Variants in DTWD1 observed in about 807,000 individuals in gnomAD.
DTWD1 encodes tRNA-uridine aminocarboxypropyltransferase 1.
A neutral mutation model predicts 30.2 loss-of-function variants in DTWD1; 27 were observed. That is an observed-to-expected ratio of 0.90 (90% confidence interval 0.66 to 1.23). DTWD1 has a LOEUF of 1.23. Among genes scored for constraint, DTWD1 ranks in the 50% most tolerant of loss-of-function variants. The pLI is 0.00. For missense variants in DTWD1, 342 were observed against 348.8 expected, an observed-to-expected ratio of 0.98 and a Z score of 0.15; for synonymous variants, 99 against 113.1, an observed-to-expected ratio of 0.88 and a Z score of 0.79.
At chr15:49,627,165 A>C (rs1662937176) in intron 2 of DTWD1, among the ~76,000 whole-genome samples, 2 of 152,154 alleles carry the variant, frequency 1.3e-5, no homozygotes, top group Admixed American at 6.5e-5. Context: ...TCTAATATAC[A>C]CCATTTAATA....
At chr15:49,643,305 T>C (rs767565785) in intron 4 of DTWD1, 26 bp from the exon 5 acceptor site, 28 of 1,315,066 alleles carry the variant, frequency 2.1e-5, no homozygotes, top group East Asian at 8.5e-5. Flanking sequence ...TTTCTTTCTT[T>C]CTTTTTTTTT....
At chr15:49,639,502 C>T (rs1028263061) in intron 4 of DTWD1, among the ~76,000 whole-genome samples, 7 of 152,084 alleles carry the variant, frequency 4.6e-5, no homozygotes, top group Non-Finnish European at 1.0e-4. Context: ...TTCAAGGATG[C>T]GGTGAGCTAT....
chr15:49,643,629 A>G lies in DTWD1; in HGVS notation c.*51A>G, dbSNP rs1295805427. 1.3e-6 allele frequency: 2 copies of G among 1,504,072 alleles called. No homozygotes were observed. Among genetic ancestry groups the G allele is most frequent in the Non-Finnish European group, 1.8e-6 (2 of 1,122,474 alleles). The allele number at this position is 1,504,072 out of a possible 1,614,324, so 93.2% of individuals were successfully genotyped here. A position where few individuals can be genotyped will look rare whatever the true frequency, so the allele number is the denominator to read the frequency against. On this transcript the variant is annotated 3_prime_UTR_variant, in exon 5 of 5. Coordinates refer to ENST00000403028, the MANE Select transcript of DTWD1 (RefSeq NM_001144955.2). ...TTATTTTGCTAACATTAATAAACTT[A>G]TATTTGTGCTTTGTTTTTTCTTAAG...
rs1187513254 is a variant in DTWD1, at chr15:49,655,302, T to G, written c.*11724T>G. On this transcript the variant is annotated 3_prime_UTR_variant, in exon 5 of 5. Transcript: ENST00000403028. Reference sequence around the variant, plus strand: ...ATGGTTGATTTAGGTAATTAAGTTTTGGGGTGGTTTATTACATAGCAATTG... The same window carrying G: ...ATGGTTGATTTAGGTAATTAAGTTTGGGGGTGGTTTATTACATAGCAATTG... The G allele has an allele frequency of 6.6e-6, 1 of 152,058 alleles. No individual in the cohort carries two copies. Among genetic ancestry groups the G allele is most frequent in the East Asian group, 1.9e-4 (1 of 5,172 alleles). The allele number at this position is 152,058 out of a possible 1,614,324, so 9.4% of individuals were successfully genotyped here.
At chr15:49,622,744 G>A (rs556704187) in intron 1 of DTWD1, among the ~76,000 whole-genome samples, 2 of 152,308 alleles carry the variant, frequency 1.3e-5, no homozygotes, top group Admixed American at 6.5e-5. Flanking sequence ...CCCTGATCAT[G>A]TAGTTTCAGA....
intron 2 of DTWD1, among the ~76,000 whole-genome samples, chr15:49,628,646 T>G (rs2153351784): frequency 6.6e-6 from 1 of 152,242 alleles, no homozygotes; most frequent in Middle Eastern, 3.4e-3. Flanking sequence ...GGCAGAAGGA[T>G]TTGTGGTAAG....
intron 3 of DTWD1, 32 bp from the exon 4 acceptor site, chr15:49,634,504 G>A (rs747293128): frequency 1.3e-4 from 208 of 1,566,720 alleles, no homozygotes; most frequent in Non-Finnish European, 8.8e-5. Context: ...GATCATAGTA[G>A]CACACTGCTA....
chr15:49,630,278 T>C (rs1362027701), intron 2 of DTWD1, among the ~76,000 whole-genome samples: 1 of 152,222 alleles, frequency 6.6e-6, no homozygotes, highest in Non-Finnish European at 1.5e-5. Flanking sequence ...ATTTAACATA[T>C]GTTAAAACTT....
chr15:49,623,855 A>G (rs1273217932), intron 1 of DTWD1: 1 of 152,188 alleles, frequency 6.6e-6, no homozygotes, highest in Non-Finnish European at 1.5e-5. Context: ...AGGCAGGAAC[A>G]AGGGATTGGA....
intron 3 of DTWD1, among the ~76,000 whole-genome samples, chr15:49,633,930 A>C (rs895093642): frequency 3.3e-5 from 5 of 152,154 alleles, no homozygotes; most frequent in Admixed American, 6.5e-5. Flanking sequence ...TTTTCATTTT[A>C]ATTTTTCACT....
Position 49,648,411 on chromosome 15 carries a change from C to T in DTWD1, c.*4833C>T, listed in dbSNP as rs2079133584. 6.6e-6 allele frequency: 1 copy of T among 152,268 alleles called. No individual in the cohort carries two copies. The highest frequency in any genetic ancestry group is 2.1e-4 in the South Asian group (1 of 4,830). 9.4% of individuals were successfully genotyped at this position (152,268 alleles called of 1,614,324 possible). A position where few individuals can be genotyped will look rare whatever the true frequency, so the allele number is the denominator to read the frequency against. On this transcript the variant is annotated 3_prime_UTR_variant, in exon 5 of 5. Transcript: ENST00000403028. Reference sequence around the variant, plus strand: ...CCACCTCCCAAGTTCAAGCAATTATCATGCCTTAGCCCCCCGAGTAGCTGG... The same window carrying T: ...CCACCTCCCAAGTTCAAGCAATTATTATGCCTTAGCCCCCCGAGTAGCTGG...
intron 2 of DTWD1, among the ~76,000 whole-genome samples, chr15:49,629,104 G>C (rs886930329): frequency 6.6e-6 from 1 of 151,980 alleles, no homozygotes; most frequent in Non-Finnish European, 1.5e-5. Flanking sequence ...TTCTGTTCCT[G>C]TGTGGTCAAC....
intron 2 of DTWD1, chr15:49,631,087 T>C: frequency 3.0e-6 from 1 of 333,634 alleles, no homozygotes; most frequent in African/African-American, 2.2e-5. Flanking sequence ...TCATTATATA[T>C]TATAATGTAA....
At chr15:49,627,371 T>G (rs1180902099) in intron 2 of DTWD1, among the ~76,000 whole-genome samples, 1 of 152,204 alleles carries the variant, frequency 6.6e-6, no homozygotes, top group Admixed American at 6.5e-5. Context: ...CAGCATTTGC[T>G]TTTAGATAGC....
At position 49,651,258 on chromosome 15, in the gene DTWD1, G is replaced by A. The variant is rs193016205; in HGVS notation, c.*7680G>A. The A allele has an allele frequency of 1.3e-5, 2 of 152,216 alleles. No homozygotes were observed. Among genetic ancestry groups the A allele is most frequent in the East Asian group, 3.9e-4 (2 of 5,142 alleles). The allele number at this position is 152,216 out of a possible 1,614,324, so 9.4% of individuals were successfully genotyped here. On this transcript the variant is annotated 3_prime_UTR_variant, in exon 5 of 5. Coordinates refer to ENST00000403028, the MANE Select transcript of DTWD1 (RefSeq NM_001144955.2). ...CAAGCACAGAAAGTCTAGAATAGAG[G>A]CATGTGAATGGACATACTTGTGTCA...
In DTWD1 at chr15:49,625,117, C is replaced by G; in HGVS notation, c.-51C>G. On this transcript the variant is annotated 5_prime_UTR_variant, in exon 2 of 5. Transcript: ENST00000403028. ...CTTGATACTTTTTTTTTACAGTGCA[C>G]CTATGATATGTGTTTTAGAAATAGC... 6.4e-7 allele frequency: 1 copy of G among 1,552,846 alleles called. No homozygotes were observed.
At position 49,625,230 on chromosome 15, in the gene DTWD1, A is replaced by T. The variant is rs2078825044; in HGVS notation, c.63A>T (p.Glu21Asp). Reference sequence around the variant, plus strand: ...AAGAAAATAGTTCAAAATTTGTGGAAACAAAACAGTCACAAACTACTTCCA... The same window carrying T: ...AAGAAAATAGTTCAAAATTTGTGGATACAAAACAGTCACAAACTACTTCCA... ...RSEENSSKFV[E>D]TKQSQTTSIA... Residue 21 changes from glutamate to aspartate, a missense_variant, in exon 2 of 5, where the codon GAA becomes GAT. Coordinates refer to ENST00000403028, the MANE Select transcript of DTWD1 (RefSeq NM_001144955.2). 1.2e-6 allele frequency: 2 copies of T among 1,613,412 alleles called. No individual in the cohort carries two copies. Among genetic ancestry groups the T allele is most frequent in the African/African-American group, 2.7e-5 (2 of 74,914 alleles).
At position 49,648,390 on chromosome 15, in the gene DTWD1, C is replaced by G. The variant is rs2079133460; in HGVS notation, c.*4812C>G. 1 of 152,226 alleles carries G rather than the reference C, an allele frequency of 6.6e-6. No homozygotes were observed. Among genetic ancestry groups the G allele is most frequent in the Non-Finnish European group, 1.5e-5 (1 of 68,074 alleles). The allele number at this position is 152,226 out of a possible 1,614,324, so 9.4% of individuals were successfully genotyped here. A position where few individuals can be genotyped will look rare whatever the true frequency, so the allele number is the denominator to read the frequency against. On this transcript the variant is annotated 3_prime_UTR_variant, in exon 5 of 5. Coordinates refer to ENST00000403028, the MANE Select transcript of DTWD1 (RefSeq NM_001144955.2). Reference sequence around the variant, plus strand: ...GATCTCAGCTCACTACAACCTCCACCTCCCAAGTTCAAGCAATTATCATGC... The same window carrying G: ...GATCTCAGCTCACTACAACCTCCACGTCCCAAGTTCAAGCAATTATCATGC...
At chr15:49,632,598 TCTC>T (rs1238518792) in intron 3 of DTWD1, among the ~76,000 whole-genome samples, 2 of 152,134 alleles carry the variant, frequency 1.3e-5, no homozygotes, top group Non-Finnish European at 2.9e-5. Flanking sequence ...CTCCTCTCCT[TCTC>T]CTGTTTGTGC....
Sources: gnomAD v4.1 joint callset for allele counts (sites outside exome capture counted in the v4.1 genomes callset) on GRCh38, gnomAD v4.1.1 for gene constraint, MANE v1.5 for transcripts, NCBI Gene and HGNC (gene_info 2026-07-23, HGNC 2026-07-21) for gene names.